Variants in EXOC5 observed in about 807,000 individuals in gnomAD.
EXOC5 encodes the protein exocyst complex component 5.
Under a neutral mutation model 90.8 loss-of-function variants are expected in EXOC5, and 17 were observed. The observed-to-expected ratio is 0.19, with a 90% CI of 0.13 to 0.28. The LOEUF (loss-of-function observed/expected upper bound fraction) is 0.28. Ranked by LOEUF, EXOC5 falls within the 10% of genes least tolerant of loss-of-function variation. The pLI is 1.00. For synonymous variants in EXOC5, 260 were observed against 270.0 expected, an observed-to-expected ratio of 0.96 and a Z score of 0.36; for missense variants, 569 against 830.6, an observed-to-expected ratio of 0.69 and a Z score of 3.87.
Position 57,237,331 on chromosome 14 carries a change from C to T in EXOC5, c.559+7G>A, listed in dbSNP as rs1883692669. ...TAAAAAAAAGGTAAAATAAATACAT[C>T]ACTTACTTGCAATTTTGGATTTAAC... is the stretch of plus-strand genomic sequence containing the variant. On this transcript the variant is annotated splice_region_variant and intron_variant, in intron 6 of 17. Coordinates refer to ENST00000621441, the MANE Select transcript of EXOC5 (RefSeq NM_006544.4). 1.4e-6 allele frequency: 2 copies of T among 1,424,598 alleles called. No homozygotes were observed. Among genetic ancestry groups the T allele is most frequent in the Non-Finnish European group, 1.9e-6 (2 of 1,034,132 alleles). 88.2% of individuals were successfully genotyped at this position (1,424,598 alleles called of 1,614,324 possible).
chr14:57,244,445 G>A, intron 3 of EXOC5, 86 bp from the exon 4 acceptor site: 1 of 922,900 alleles, frequency 1.1e-6, no homozygotes, highest in South Asian at 1.4e-5. Flanking sequence ...ACTAACTAAA[G>A]ATAACAGAAG....
chr14:57,241,501 GT>G (rs1224765556), intron 4 of EXOC5, among the ~76,000 whole-genome samples: 9 of 152,124 alleles, frequency 5.9e-5, no homozygotes, highest in African/African-American at 2.2e-4. Flanking sequence ...AGGAGTTTTT[GT>G]TCTTTTAAGA....
chr14:57,241,541 A>C (rs1883858495), intron 4 of EXOC5, among the ~76,000 whole-genome samples: 1 of 152,124 alleles, frequency 6.6e-6, no homozygotes, highest in Admixed American at 6.5e-5. Flanking sequence ...GCTATTGCAA[A>C]CTTTGTTTAA....
At chr14:57,233,215 T>C (rs1883538994) in intron 9 of EXOC5, 1 of 151,374 alleles carries the variant, frequency 6.6e-6, no homozygotes, top group African/African-American at 2.5e-5. Flanking sequence ...ATGACAATAC[T>C]ATCAAAATTC....
chr14:57,209,124 A>G (rs1175180942), intron 17 of EXOC5, among the ~76,000 whole-genome samples: 3 of 152,196 alleles, frequency 2.0e-5, no homozygotes, highest in Admixed American at 6.6e-5. Flanking sequence ...ACATAAATGA[A>G]GACAACATTT....
intron 1 of EXOC5, among the ~76,000 whole-genome samples, chr14:57,263,011 C>T (rs1277571261): frequency 6.6e-6 from 1 of 152,096 alleles, no homozygotes; most frequent in Non-Finnish European, 1.5e-5. Flanking sequence ...TACCAAATGA[C>T]AAGAACTATG....
intron 13 of EXOC5, among the ~76,000 whole-genome samples, chr14:57,221,849 C>T (rs990648392): frequency 3.3e-5 from 5 of 152,028 alleles, no homozygotes; most frequent in African/African-American, 9.7e-5. Flanking sequence ...ATTAATGAGA[C>T]GGGACTCAGG....
At chr14:57,222,186 C>A (rs1360295790) in intron 13 of EXOC5, 122 bp downstream of exon 13, 1 of 530,238 alleles carries the variant, frequency 1.9e-6, no homozygotes, top group Non-Finnish European at 3.4e-6. Context: ...AAAGCTCAAA[C>A]TTCATTGCAC....
chr14:57,266,852 A>G (rs940376527), intron 1 of EXOC5, among the ~76,000 whole-genome samples: 5 of 151,938 alleles, frequency 3.3e-5, no homozygotes, highest in African/African-American at 1.2e-4. Flanking sequence ...AGAGGGGAAA[A>G]AAAAAAATCA....
intron 14 of EXOC5, 140 bp downstream of exon 14, chr14:57,219,182 A>C (rs1421193554): frequency 9.2e-6 from 4 of 434,668 alleles, no homozygotes; most frequent in Non-Finnish European, 1.2e-5. Flanking sequence ...GAACTTTTAT[A>C]TTTTTATTTC....
Position 57,209,763 on chromosome 14 carries a change from G to C in EXOC5, c.1742C>G (p.Ala581Gly). ...QYTNACVKVCAYVRKQVEKIK... is the reference protein window; with the variant it reads ...QYTNACVKVCGYVRKQVEKIK... ...CTTCTCCACTTGTTTTCTTACGTAA[G>C]CACAGACTTTTACACAGGCCTATAA... The change falls in exon 17 of 18, where the codon GCT becomes GGT. Residue 581 changes from alanine to glycine, a missense_variant. Transcript: ENST00000621441. 1 of 1,610,332 alleles carries C rather than the reference G, an allele frequency of 6.2e-7. No individual in the cohort carries two copies. The highest frequency in any genetic ancestry group is 8.5e-7 in the Non-Finnish European group (1 of 1,177,908).
At chr14:57,252,723 T>C (rs939606335) in intron 1 of EXOC5, among the ~76,000 whole-genome samples, 3 of 152,184 alleles carry the variant, frequency 2.0e-5, no homozygotes, top group Admixed American at 2.0e-4. Context: ...AAAAATGTTA[T>C]GGCGGTTCCT....
chr14:57,249,977 G>C (rs1263912498), intron 1 of EXOC5, among the ~76,000 whole-genome samples: 1 of 152,026 alleles, frequency 6.6e-6, no homozygotes, highest in Non-Finnish European at 1.5e-5. Context: ...TCTCCATGTT[G>C]GTCAGGCTGG....
At chr14:57,229,421 G>C (rs895278444) in intron 12 of EXOC5, among the ~76,000 whole-genome samples, 1 of 149,476 alleles carries the variant, frequency 6.7e-6, no homozygotes, top group Non-Finnish European at 1.5e-5. Context: ...AAATATTCAA[G>C]AAAAAAAAAG....
At chr14:57,234,537 G>GTGTGTA (rs1555368939) in intron 7 of EXOC5, among the ~76,000 whole-genome samples, 72 of 141,174 alleles carry the variant, frequency 5.1e-4, no homozygotes, top group African/African-American at 1.7e-3. Flanking sequence ...GTGTGTGTGT[G>GTGTGTA]TATATATATA....
At chr14:57,267,752 T>C (rs905056077) in intron 1 of EXOC5, among the ~76,000 whole-genome samples, 3 of 152,202 alleles carry the variant, frequency 2.0e-5, no homozygotes, top group African/African-American at 7.2e-5. Flanking sequence ...TTCACGAAAT[T>C]AAATTTTAAG....
rs1327838299 is a variant in EXOC5 at position 57,207,353 on chromosome 14, C to A, written c.*1256G>T. The A allele has an allele frequency of 6.6e-6, 1 of 152,424 alleles. No individual in the cohort carries two copies. Among genetic ancestry groups the A allele is most frequent in the Non-Finnish European group, 1.5e-5 (1 of 67,928 alleles). 9.4% of individuals were successfully genotyped at this position (152,424 alleles called of 1,614,324 possible). On this transcript the variant is annotated 3_prime_UTR_variant, in exon 18 of 18. Transcript: ENST00000621441. Reference sequence around the variant, plus strand: ...ATCTGTTCCTAGAAGACTATGAACACCACAATGGGAGCTGAAACACTATAT... The same window carrying A: ...ATCTGTTCCTAGAAGACTATGAACAACACAATGGGAGCTGAAACACTATAT...
At chr14:57,238,038 GAAGA>G (rs1326589207) in intron 5 of EXOC5, among the ~76,000 whole-genome samples, 43 of 151,908 alleles carry the variant, frequency 2.8e-4, no homozygotes, top group Non-Finnish European at 8.8e-5. Flanking sequence ...GCAATTGTTT[GAAGA>G]GAGAGGAGAG....
rs557456755 is a variant in EXOC5, at chr14:57,205,672, A to G, written c.*2937T>C. On this transcript the variant is annotated 3_prime_UTR_variant, in exon 18 of 18. Coordinates refer to ENST00000621441, the MANE Select transcript of EXOC5 (RefSeq NM_006544.4). Reference sequence around the variant, plus strand: ...TTCTCCACTTGGAATCAATCTACTGATTGATAATTAAATTATTTCACTGTG... The same window carrying G: ...TTCTCCACTTGGAATCAATCTACTGGTTGATAATTAAATTATTTCACTGTG... 8.2e-5 allele frequency: 28 copies of G among 342,136 alleles called. No homozygotes were observed. Among genetic ancestry groups the G allele is most frequent in the Non-Finnish European group, 1.4e-4 (25 of 179,116 alleles). 21.2% of individuals were successfully genotyped at this position (342,136 alleles called of 1,614,324 possible). A position where few individuals can be genotyped will look rare whatever the true frequency, so the allele number is the denominator to read the frequency against.
Sources: allele counts gnomAD v4.1 joint callset (sites outside exome capture counted in the v4.1 genomes callset), GRCh38; gene constraint gnomAD v4.1.1; transcripts MANE v1.5; gene names NCBI Gene and HGNC (gene_info 2026-07-23, HGNC 2026-07-21).